The following GFOD1 variants were observed in gnomAD, a reference collection of about 807,000 sequenced individuals.
GFOD1 encodes Gfo/Idh/MocA-like oxidoreductase domain containing 1.
Under a neutral mutation model 25.4 loss-of-function variants are expected in GFOD1, and 9 were observed. The observed-to-expected ratio is 0.35, with a 90% CI of 0.21 to 0.62. The LOEUF (loss-of-function observed/expected upper bound fraction) is 0.62, where lower values mean the gene tolerates loss of function less well. GFOD1 is among the 20% of genes least tolerant of loss of function. The pLI is 0.72. For synonymous variants in GFOD1, 253 were observed against 245.6 expected, an observed-to-expected ratio of 1.03 and a Z score of -0.28; for missense variants, 403 against 556.9, an observed-to-expected ratio of 0.72 and a Z score of 2.78.
rs987927894 is a variant in GFOD1, at chr6:13,365,991, G to T, written c.254-329C>A. 1.3e-4 allele frequency among the ~76,000 whole-genome samples: 19 copies of T among 151,022 alleles called. No individual in the cohort carries two copies. Among genetic ancestry groups the T allele is most frequent in the African/African-American group, 4.1e-4 (17 of 41,320 alleles). Reference sequence around the variant, plus strand: ...GGAGGCCGAAGTGGGAGGATCACTTGAGCCCAGGAGGTTGAGGCTGCAGTG... The same window carrying T: ...GGAGGCCGAAGTGGGAGGATCACTTTAGCCCAGGAGGTTGAGGCTGCAGTG... On this transcript the variant is annotated intron_variant, in intron 1 of 1. Transcript: ENST00000379287. This position sits in a 1 kb window ranked among gnomAD's most constrained non-coding sequence, Gnocchi z 9.2.
In GFOD1 at chr6:13,392,343, CAAAAAAA is replaced by C. The variant is rs1035923592; in HGVS notation, c.254-26688_254-26682del. On this transcript the variant is annotated intron_variant, in intron 1 of 1. Transcript: ENST00000379287. ...TGGGTGACAAAGCCAGACCCTATCT[CAAAAAAA>C]AAAAAAAAAAAAAGAAAAGAGAAAA... 3.6e-3 allele frequency among the ~76,000 whole-genome samples: 224 copies of C among 61,528 alleles called. 1 individual carries two copies. The highest frequency in any genetic ancestry group is 0.012 in the African/African-American group (211 of 17,392). 40.4% of individuals were successfully genotyped at this position (61,528 alleles called of 152,430 possible). A position where few individuals can be genotyped will look rare whatever the true frequency, so the allele number is the denominator to read the frequency against.
intron 1 of GFOD1, among the ~76,000 whole-genome samples, chr6:13,458,639 C>T (rs1441040414): frequency 6.6e-6 from 1 of 151,198 alleles, no homozygotes; most frequent in Non-Finnish European, 1.5e-5. Flanking sequence ...GGTACTAATA[C>T]CTGCATTATA....
chr6:13,387,755 A>G (rs903379086), intron 1 of GFOD1, among the ~76,000 whole-genome samples: 1 of 152,220 alleles, frequency 6.6e-6, no homozygotes, highest in African/African-American at 2.4e-5. Flanking sequence ...ACAGTGTTGG[A>G]AGTTCTGGCC....
chr6:13,410,598 GA>G (rs1786056447), intron 1 of GFOD1, among the ~76,000 whole-genome samples: 1 of 150,090 alleles, frequency 6.7e-6, no homozygotes, highest in Admixed American at 6.7e-5. Flanking sequence ...GAGAGAGAGA[GA>G]GAGAGAGAGA....
At chr6:13,406,846 G>A (rs1274141052) in intron 1 of GFOD1, among the ~76,000 whole-genome samples, 1 of 152,192 alleles carries the variant, frequency 6.6e-6, no homozygotes, top group Non-Finnish European at 1.5e-5. Flanking sequence ...TGTACACAGT[G>A]TGATAGCAAA....
intron 1 of GFOD1, among the ~76,000 whole-genome samples, chr6:13,475,653 A>G (rs113401218): frequency 0.15 from 22,013 of 150,450 alleles, 2,487 homozygotes; most frequent in African/African-American, 0.31. Context: ...TGAAGGCGGC[A>G]GCTGGAGTAA....
intron 1 of GFOD1, among the ~76,000 whole-genome samples, chr6:13,452,592 C>G (rs1171518357): frequency 6.6e-6 from 1 of 152,188 alleles, no homozygotes; most frequent in African/African-American, 2.4e-5. Context: ...ATAAATTTTG[C>G]AAGGATACAA....
At chr6:13,380,319 T>C (rs2127558379) in intron 1 of GFOD1, among the ~76,000 whole-genome samples, 1 of 152,350 alleles carries the variant, frequency 6.6e-6, no homozygotes, top group South Asian at 2.1e-4. Flanking sequence ...GGAAAGTTTG[T>C]GGAAGGAATA....
chr6:13,380,628 G>T (rs1785345641), intron 1 of GFOD1, among the ~76,000 whole-genome samples: 1 of 152,044 alleles, frequency 6.6e-6, no homozygotes, highest in Admixed American at 6.5e-5. Context: ...AAAAATGGAG[G>T]GTAGAGGTTG....
chr6:13,413,050 GCC>G (rs1259707911), intron 1 of GFOD1, among the ~76,000 whole-genome samples: 2 of 152,184 alleles, frequency 1.3e-5, no homozygotes, highest in African/African-American at 4.8e-5. Flanking sequence ...CAGGCACATG[GCC>G]CACCCTCTTG....
At chr6:13,449,364 C>T (rs1433540931) in intron 1 of GFOD1, among the ~76,000 whole-genome samples, 1 of 152,194 alleles carries the variant, frequency 6.6e-6, no homozygotes, top group African/African-American at 2.4e-5. Context: ...CATGACAGTG[C>T]ATACTCTCCT....
In GFOD1 at chr6:13,467,166, T is replaced by G. The variant is rs374039317; in HGVS notation, c.253+19472A>C. ...AAGTGAACCAACCATATGACAGCAG[T>G]CATAATAAAACAGCACATAAAAATA... On this transcript the variant is annotated intron_variant, in intron 1 of 1. Coordinates refer to ENST00000379287, the MANE Select transcript of GFOD1 (RefSeq NM_018988.4). 1.1e-3 allele frequency among the ~76,000 whole-genome samples: 174 copies of G among 151,492 alleles called. 5 individuals are homozygous for G. The South Asian group carries it at 0.034, about 30-fold the overall frequency.
chr6:13,390,408 T>C (rs1196492979), intron 1 of GFOD1, among the ~76,000 whole-genome samples: 1 of 151,364 alleles, frequency 6.6e-6, no homozygotes, highest in African/African-American at 2.4e-5. Context: ...CTGGGCAACA[T>C]AGTGAGACCC....
chr6:13,401,369 CCTTGTT>C (rs1216726141), intron 1 of GFOD1, among the ~76,000 whole-genome samples: 1 of 150,424 alleles, frequency 6.6e-6, no homozygotes, highest in African/African-American at 2.4e-5. Context: ...AGCAGGGAAT[CCTTGTT>C]CATTGTCATG....
chr6:13,379,698 T>G (rs545663748), intron 1 of GFOD1, among the ~76,000 whole-genome samples: 73 of 152,356 alleles, frequency 4.8e-4, no homozygotes, highest in African/African-American at 1.7e-3. Flanking sequence ...AATTCCCTTC[T>G]GCTAAAATCA....
At chr6:13,458,767 A>AAAAC (rs1168012704) in intron 1 of GFOD1, among the ~76,000 whole-genome samples, 1 of 123,048 alleles carries the variant, frequency 8.1e-6, no homozygotes, top group African/African-American at 5.8e-5. Context: ...CAAAAAAAAA[A>AAAAC]AAAAAAAAAA....
intron 1 of GFOD1, among the ~76,000 whole-genome samples, chr6:13,448,578 A>T (rs916572091): frequency 6.6e-6 from 1 of 152,154 alleles, no homozygotes. Context: ...GATCTGGTGA[A>T]CAAATTTGAA....
At chr6:13,374,451 C>T (rs1785217636) in intron 1 of GFOD1, among the ~76,000 whole-genome samples, 2 of 151,548 alleles carry the variant, frequency 1.3e-5, no homozygotes, top group African/African-American at 4.9e-5. Flanking sequence ...TACAGGCATG[C>T]ACCTGTAATG....
intron 1 of GFOD1, among the ~76,000 whole-genome samples, chr6:13,386,858 C>A (rs1785485495): frequency 6.6e-6 from 1 of 152,144 alleles, no homozygotes; most frequent in African/African-American, 2.4e-5. Flanking sequence ...ACCGGCCCTA[C>A]AGGGGGTTCA....
Sources: allele counts gnomAD v4.1 joint callset (sites outside exome capture counted in the v4.1 genomes callset), GRCh38; gene constraint gnomAD v4.1.1; non-coding constraint Gnocchi (gnomAD v3.1); transcripts MANE v1.5; gene names NCBI Gene and HGNC (gene_info 2026-07-23, HGNC 2026-07-21).